GALNTL6: variants seen among roughly 807,000 people sequenced by gnomAD.
The protein encoded by GALNTL6 is polypeptide N-acetylgalactosaminyltransferase like 6, also known as polypeptide N-acetylgalactosaminyltransferase-like 6.
In GALNTL6, 46 loss-of-function variants were observed where a neutral mutation model predicts 73.7. The ratio of observed to expected loss-of-function variants is 0.62; its 90% CI spans 0.49 to 0.80. The LOEUF is 0.80. Among genes scored for constraint, GALNTL6 ranks in the 30% least tolerant of loss-of-function variants. The pLI is 0.00. For synonymous variants in GALNTL6, 259 were observed against 263.7 expected (o/e 0.98, Z 0.17); for missense variants, 604 against 755.0 (o/e 0.80, Z 2.34).
chr4:172,585,426 G>A (rs941545067), intron 5 of GALNTL6, among the ~76,000 whole-genome samples: 2 of 151,970 alleles, frequency 1.3e-5, no homozygotes, highest in Admixed American at 1.3e-4. Flanking sequence ...CTCCTGACAC[G>A]CCCCAGTGTG....
intron 10 of GALNTL6, among the ~76,000 whole-genome samples, chr4:172,957,668 T>C (rs1045006103): frequency 2.0e-5 from 3 of 152,150 alleles, no homozygotes; most frequent in African/African-American, 7.2e-5. Context: ...TAGAGGACAC[T>C]TGTGTAGTGA....
chr4:172,494,405 G>C (rs374190414), intron 5 of GALNTL6, among the ~76,000 whole-genome samples: 1 of 152,260 alleles, frequency 6.6e-6, no homozygotes, highest in South Asian at 2.1e-4. Context: ...CTGATACTGA[G>C]ATAATTAACC....
At chr4:172,775,411 G>C (rs1411465310) in intron 5 of GALNTL6, among the ~76,000 whole-genome samples, 1 of 152,182 alleles carries the variant, frequency 6.6e-6, no homozygotes, top group Admixed American at 6.5e-5. Context: ...CCTCTTTGCT[G>C]AAAGTTAATG....
At chr4:171,846,863 T>G (rs906183976) in intron 2 of GALNTL6, among the ~76,000 whole-genome samples, 1 of 147,000 alleles carries the variant, frequency 6.8e-6, no homozygotes, top group Non-Finnish European at 1.5e-5. Context: ...TAATATATAA[T>G]TATATGTATT....
At chr4:171,960,122 C>A (rs1739177616) in intron 2 of GALNTL6, among the ~76,000 whole-genome samples, 1 of 152,178 alleles carries the variant, frequency 6.6e-6, no homozygotes, top group Non-Finnish European at 1.5e-5. Context: ...CTTTCTTCAG[C>A]TGTCATAGCT....
At chr4:171,842,538 T>C (rs1443949314) in intron 2 of GALNTL6, among the ~76,000 whole-genome samples, 1 of 152,040 alleles carries the variant, frequency 6.6e-6, no homozygotes, top group African/African-American at 2.4e-5. Flanking sequence ...ACAGGGAGCA[T>C]GGTGCTGTCA....
chr4:172,526,403 T>C (rs541392988), intron 5 of GALNTL6, among the ~76,000 whole-genome samples: 1 of 152,252 alleles, frequency 6.6e-6, no homozygotes, highest in South Asian at 2.1e-4. Flanking sequence ...GAGACTCAGG[T>C]AAATTTAAAA....
chr4:172,401,445 G>C (rs542788004), intron 5 of GALNTL6, among the ~76,000 whole-genome samples: 22 of 151,916 alleles, frequency 1.4e-4, no homozygotes, highest in Admixed American at 3.9e-4. Context: ...GATTTGTTAT[G>C]GTCATTTCTA....
At chr4:172,720,745 TTAG>T (rs1019161603) in intron 5 of GALNTL6, among the ~76,000 whole-genome samples, 36 of 152,246 alleles carry the variant, frequency 2.4e-4, no homozygotes, top group Non-Finnish European at 1.8e-4. Flanking sequence ...GCATTACTCT[TTAG>T]TAGTAAAGAA....
chr4:172,266,485 G>A (rs903667792), intron 3 of GALNTL6: 86 of 152,052 alleles, frequency 5.7e-4, no homozygotes, highest in African/African-American at 2.0e-3. Context: ...TGGTTACAAA[G>A]TAGACAATAT....
At chr4:172,840,581 G>C (rs1164227280) in intron 7 of GALNTL6, among the ~76,000 whole-genome samples, 2 of 152,098 alleles carry the variant, frequency 1.3e-5, no homozygotes, top group Admixed American at 6.6e-5. Context: ...AATGTGCAAG[G>C]CCACTATTTT....
intron 7 of GALNTL6, among the ~76,000 whole-genome samples, chr4:172,843,273 C>T (rs1743314958): frequency 6.6e-6 from 1 of 152,206 alleles, no homozygotes. Flanking sequence ...CTCCCACTCG[C>T]TTTACTTCTG....
intron 5 of GALNTL6, among the ~76,000 whole-genome samples, chr4:172,581,735 G>C (rs1032392625): frequency 1.3e-5 from 2 of 152,026 alleles, no homozygotes; most frequent in Non-Finnish European, 2.9e-5. Flanking sequence ...CATCCTTCCT[G>C]CCTGCTCTCT....
intron 5 of GALNTL6, among the ~76,000 whole-genome samples, chr4:172,543,493 C>T (rs1370642357): frequency 6.6e-6 from 1 of 152,176 alleles, no homozygotes; most frequent in Non-Finnish European, 1.5e-5. Flanking sequence ...GAGCTGGCTC[C>T]CAGGCCCTTG....
At chr4:172,401,187 T>A (rs1283384643) in intron 5 of GALNTL6, among the ~76,000 whole-genome samples, 1 of 152,052 alleles carries the variant, frequency 6.6e-6, no homozygotes, top group East Asian at 1.9e-4. Context: ...ATATGAAACA[T>A]ACACACACAT....
chr4:172,124,473 T>G (rs1461563414), intron 2 of GALNTL6, among the ~76,000 whole-genome samples: 1 of 152,208 alleles, frequency 6.6e-6, no homozygotes, highest in African/African-American at 2.4e-5. Context: ...TGCAGGTAAC[T>G]GTGAAATAAT....
intron 5 of GALNTL6, among the ~76,000 whole-genome samples, chr4:172,646,538 T>C (rs1740250985): frequency 6.6e-6 from 1 of 152,092 alleles, no homozygotes; most frequent in South Asian, 2.1e-4. Context: ...ATAACCCTTG[T>C]ATCCAGCCCT....
chr4:172,454,657 C>T (rs466124), intron 5 of GALNTL6, among the ~76,000 whole-genome samples: 128,948 of 151,720 alleles, frequency 0.85, 54,880 homozygotes, highest in South Asian at 0.87. Flanking sequence ...CTGTACCCTG[C>T]CACTCCACTG....
intron 7 of GALNTL6, among the ~76,000 whole-genome samples, chr4:172,851,024 T>C (rs1743786859): frequency 6.6e-6 from 1 of 152,120 alleles, no homozygotes; most frequent in Admixed American, 6.5e-5. Context: ...CACATAGGCA[T>C]GACTCATTAT....
Sources: allele counts gnomAD v4.1 joint callset (sites outside exome capture counted in the v4.1 genomes callset), GRCh38; gene constraint gnomAD v4.1.1; transcripts MANE v1.5; gene names NCBI Gene and HGNC (gene_info 2026-07-23, HGNC 2026-07-21).